The following FADS6 variants were observed in gnomAD, a reference collection of about 807,000 sequenced individuals.
FADS6 encodes fatty acid desaturase 6.
Under a neutral mutation model 31.7 loss-of-function variants are expected in FADS6, and 28 were observed. The observed-to-expected ratio is 0.88, with a 90% CI of 0.66 to 1.21. FADS6 has a LOEUF of 1.21. FADS6 is among the 50% of genes most tolerant of loss of function. FADS6 has a pLI of 0.00. For missense variants in FADS6, 494 were observed against 504.2 expected (o/e 0.98, Z 0.19); for synonymous variants, 191 against 213.1 (o/e 0.90, Z 0.90).
chr17:74,890,846 C>T (rs1210762169), intron 2 of FADS6, among the ~76,000 whole-genome samples: 4 of 152,158 alleles, frequency 2.6e-5, no homozygotes, highest in Non-Finnish European at 5.9e-5. Flanking sequence ...TCATTTGGCA[C>T]ACATGATAGC....
chr17:74,883,071 G>T lies in FADS6; in HGVS notation c.412-361C>A, dbSNP rs1598557299. Among the ~76,000 whole-genome samples, 7 of 152,342 alleles carry T rather than the reference G, an allele frequency of 4.6e-5. 2 individuals are homozygous for T. Among genetic ancestry groups the T allele is most frequent in the Admixed American group, 4.6e-4 (7 of 15,308 alleles). On this transcript the variant is annotated intron_variant, in intron 2 of 5. Transcript: ENST00000612771. ...CCCCGGCATCCAATGCAATGATTTT[G>T]TGTGTGTTTCTCTTAGAAGCATCTG... is the stretch of plus-strand genomic sequence containing the variant.
chr17:74,893,081 C>G (rs1288913319), intron 1 of FADS6, among the ~76,000 whole-genome samples: 1 of 152,172 alleles, frequency 6.6e-6, no homozygotes, highest in Non-Finnish European at 1.5e-5. Flanking sequence ...CGGCCACTCC[C>G]CCGCTCCTCT....
At chr17:74,891,171 G>A (rs1486690073) in intron 2 of FADS6, among the ~76,000 whole-genome samples, 1 of 140,046 alleles carries the variant, frequency 7.1e-6, no homozygotes, top group Non-Finnish European at 1.5e-5. Flanking sequence ...CTGAGTAGCT[G>A]GGATTACAGG....
At chr17:74,883,981 C>G (rs909626663) in intron 2 of FADS6, among the ~76,000 whole-genome samples, 2 of 152,204 alleles carry the variant, frequency 1.3e-5, no homozygotes, top group African/African-American at 2.4e-5. Context: ...TTTGTTCTTT[C>G]ATGCAGTTGT....
At position 74,893,421 on chromosome 17, in the gene FADS6, T is replaced by G. The variant is rs760596938; in HGVS notation, c.175A>C (p.Ser59Arg). 3 of 1,566,332 alleles carry G rather than the reference T, an allele frequency of 1.9e-6. No individual in the cohort carries two copies. In the South Asian group the frequency reaches 3.5e-5, roughly 18 times the overall value. Residue 59 changes from serine (S) to arginine (R), a missense_variant, in exon 1 of 6, where the codon AGC becomes CGC. By Grantham distance (110) the Ser-to-Arg change is moderately radical. Transcript: ENST00000612771. ...EVLVQDVVRT[S>R]SWWERHGVDC... is the part of the protein sequence containing the mutation. Reference sequence around the variant, plus strand: ...ACGCCGTGGCGCTCCCACCAGGAGCTCGTCCTCACCACGTCCTGCACCAGC... The same window carrying G: ...ACGCCGTGGCGCTCCCACCAGGAGCGCGTCCTCACCACGTCCTGCACCAGC...
intron 2 of FADS6, 101 bp downstream of exon 2, chr17:74,892,422 T>C: frequency 1.4e-6 from 2 of 1,407,758 alleles, no homozygotes; most frequent in East Asian, 2.5e-5. Context: ...CCTGCCCCCG[T>C]GGGCACATGC....
intron 4 of FADS6, among the ~76,000 whole-genome samples, chr17:74,880,522 T>C (rs913329866): frequency 5.4e-4 from 82 of 151,980 alleles, no homozygotes; most frequent in African/African-American, 1.9e-3. Context: ...GCCCAGCTAA[T>C]TTTTGTGTTT....
At chr17:74,887,500 CCCCAGTCACCTA>C (rs1598560999) in intron 2 of FADS6, among the ~76,000 whole-genome samples, 1 of 152,226 alleles carries the variant, frequency 6.6e-6, no homozygotes, top group African/African-American at 2.4e-5. Context: ...ATTCTGCCTG[CCCCAGTCACCTA>C]CCAGCTGGCG....
At position 74,878,302 on chromosome 17, in the gene FADS6, G is replaced by A; in HGVS notation, c.*29C>T. ...GAGGGCCAGGGCCAGGCCAGGGAGGGGCAGGGTGGCTGCACCGGCCCGGCC... is the reference window on the plus strand; with the variant it reads ...GAGGGCCAGGGCCAGGCCAGGGAGGAGCAGGGTGGCTGCACCGGCCCGGCC... On this transcript the variant is annotated 3_prime_UTR_variant, in exon 6 of 6. Transcript: ENST00000612771. The A allele has an allele frequency of 6.2e-7, 1 of 1,600,118 alleles. No homozygotes were observed. The highest frequency in any genetic ancestry group is 8.5e-7 in the Non-Finnish European group (1 of 1,173,174).
At position 74,878,323 on chromosome 17, in the gene FADS6, C is replaced by T. The variant is rs746376376; in HGVS notation, c.*8G>A. 7.4e-6 allele frequency: 12 copies of T among 1,611,224 alleles called. No individual in the cohort carries two copies. The highest frequency in any genetic ancestry group is 5.5e-5 in the South Asian group (5 of 90,674). On this transcript the variant is annotated 3_prime_UTR_variant, in exon 6 of 6. Coordinates refer to ENST00000612771, the MANE Select transcript of FADS6 (RefSeq NM_178128.6). ...GAGGGGCAGGGTGGCTGCACCGGCC[C>T]GGCCTCATTACAGCCCCACAAGCTC...
intron 4 of FADS6, among the ~76,000 whole-genome samples, chr17:74,880,154 G>C (rs112930126): frequency 6.6e-5 from 10 of 152,038 alleles, no homozygotes; most frequent in Admixed American, 3.3e-4. Flanking sequence ...CCTTCCCTGG[G>C]CAGGGAGCAG....
downstream of FADS6, among the ~76,000 whole-genome samples, chr17:74,876,617 T>C (rs9675022): frequency 0.097 from 14,767 of 152,004 alleles, 2,165 homozygotes; most frequent in African/African-American, 0.32. Flanking sequence ...GGCAACATGG[T>C]GAAACTCCGT....
Position 74,881,041 on chromosome 17 carries a change from C to T in FADS6, c.780+27G>A, listed in dbSNP as rs1366768738. On this transcript the variant is annotated intron_variant, in intron 4 of 5. Transcript: ENST00000612771. Reference sequence around the variant, plus strand: ...CTGGAGAATGCTCCCCTTAGCTGCCCAGCGCCCCAGGTTGGGGTGGCCTCA... The same window carrying T: ...CTGGAGAATGCTCCCCTTAGCTGCCTAGCGCCCCAGGTTGGGGTGGCCTCA... 5.0e-6 allele frequency: 8 copies of T among 1,599,158 alleles called. No homozygotes were observed. In the East Asian group the frequency reaches 1.6e-4, roughly 31 times the overall value.
chr17:74,878,337 C>G lies in FADS6; in HGVS notation c.1101G>C (p.Gly367=). ...VQAPPITELV[G]L Reference sequence around the variant, plus strand: ...CTGCACCGGCCCGGCCTCATTACAGCCCCACAAGCTCAGTGATGGGTGGGG... The same window carrying G: ...CTGCACCGGCCCGGCCTCATTACAGGCCCACAAGCTCAGTGATGGGTGGGG... Residue 367 remains glycine (G), a synonymous_variant, in exon 6 of 6, where the codon GGG becomes GGC. Transcript: ENST00000612771. 6.2e-7 allele frequency: 1 copy of G among 1,613,092 alleles called. No homozygotes were observed. Among genetic ancestry groups the G allele is most frequent in the East Asian group, 2.2e-5 (1 of 44,864 alleles).
intron 4 of FADS6, 76 bp downstream of exon 4, chr17:74,880,992 G>GAGTC (rs1354984965): frequency 2.1e-6 from 3 of 1,446,218 alleles, no homozygotes; most frequent in Non-Finnish European, 2.8e-6. Flanking sequence ...CCTCAACCTA[G>GAGTC]AGTCCAGCCT....
In FADS6 at chr17:74,882,641, C is replaced by T. The variant is rs752398046; in HGVS notation, c.481G>A (p.Val161Met). 7.4e-6 allele frequency: 12 copies of T among 1,611,426 alleles called. No individual in the cohort carries two copies. The highest frequency in any genetic ancestry group is 3.4e-5 in the Admixed American group (2 of 59,684). ...GTGCTGGAGTCCCCCAGGCCCACCA[C>T]GTTGGTGTAGGCATGGTGCATCTTG... ...HVKMHHAYTN[V>M]VGLGDSSTWR... Residue 161 changes from valine to methionine, a missense_variant, in exon 3 of 6, where the codon GTG (valine) becomes ATG (methionine). Physicochemically the swap from Val to Met is conservative, Grantham distance 21. Coordinates refer to ENST00000612771, the MANE Select transcript of FADS6 (RefSeq NM_178128.6).
rs749787349 is a variant in FADS6, at chr17:74,881,122, C to T, written c.726G>A (p.Met242Ile). The part of the protein sequence containing the change: ...FKNPSSALGC[M>I]FLTRSLLAHP... ...GGGCCAACAGGGATCTGGTGAGGAA[C>T]ATGCAGCCCAGGGCTGAGCTGGGGT... is the stretch of plus-strand genomic sequence containing the variant. The change falls in exon 4 of 6, where the codon ATG (methionine) becomes ATA (isoleucine). Residue 242 changes from methionine to isoleucine, a missense_variant. By Grantham distance (10) the Met-to-Ile change is conservative (BLOSUM62 1). Around this residue, in one of 2 missense-constraint regions of FADS6, gnomAD observed 454 missense variants for 438.5 expected, o/e 1.04. Coordinates refer to ENST00000612771, the MANE Select transcript of FADS6 (RefSeq NM_178128.6). The T allele has an allele frequency of 1.2e-5, 19 of 1,613,632 alleles. No individual in the cohort carries two copies. Among genetic ancestry groups the T allele is most frequent in the Non-Finnish European group, 1.6e-5 (19 of 1,179,800 alleles).
intron 2 of FADS6, among the ~76,000 whole-genome samples, chr17:74,888,891 T>C (rs1004242369): frequency 6.6e-6 from 1 of 152,162 alleles, no homozygotes; most frequent in Admixed American, 6.5e-5. Flanking sequence ...TACAGTGCCC[T>C]TCATTGGCAG....
intron 2 of FADS6, among the ~76,000 whole-genome samples, chr17:74,889,774 GGC>G (rs2038668225): frequency 6.6e-6 from 1 of 151,070 alleles, no homozygotes; most frequent in African/African-American, 2.4e-5. Context: ...GGGAGGCTGA[GGC>G]GGGAGAATCA....
Sources: gnomAD v4.1 joint callset for allele counts (sites outside exome capture counted in the v4.1 genomes callset) on GRCh38, gnomAD v4.1.1 for gene constraint, gnomAD v4.1.1 regional missense constraint, MANE v1.5 for transcripts, NCBI Gene and HGNC (gene_info 2026-07-23, HGNC 2026-07-21) for gene names.